The following MORN1 variants were observed in gnomAD, a reference collection of about 807,000 sequenced individuals.
MORN1 encodes MORN repeat containing 1, also known as MORN repeat-containing protein 1.
In MORN1, 67 loss-of-function variants were observed where a neutral mutation model predicts 61.9. The observed-to-expected ratio is 1.08, with a 90% CI of 0.89 to 1.33. MORN1 has a LOEUF of 1.33. Among genes scored for constraint, MORN1 ranks in the 40% most tolerant of loss-of-function variants. The pLI is 0.00. For synonymous variants in MORN1, 301 were observed against 292.0 expected (o/e 1.03, Z -0.31); for missense variants, 752 against 691.2 (o/e 1.09, Z -0.99).
intron 10 of MORN1, chr1:2,355,541 G>C (rs1641745167): frequency 1.3e-6 from 2 of 1,509,016 alleles, no homozygotes; most frequent in African/African-American, 1.4e-5. Context: ...TGGGGGCAGG[G>C]GCACGGGCAT....
At chr1:2,343,907 C>T (rs1454015576) in intron 10 of MORN1, among the ~76,000 whole-genome samples, 5 of 146,954 alleles carry the variant, frequency 3.4e-5, no homozygotes, top group East Asian at 2.1e-4. Flanking sequence ...CCCATGTCTG[C>T]TGGGCGGGAT....
At chr1:2,323,329 A>AGT (rs2100214706) in intron 13 of MORN1, 1 of 985,454 alleles carries the variant, frequency 1.0e-6, no homozygotes, top group East Asian at 1.1e-4. Context: ...GGTGGCATCC[A>AGT]GACCCCAGTG....
At chr1:2,358,533 T>G (rs1249603520) in intron 9 of MORN1, 59 bp downstream of exon 9, 1 of 1,607,924 alleles carries the variant, frequency 6.2e-7, no homozygotes, top group Non-Finnish European at 8.5e-7. Context: ...GGAATTAATG[T>G]GACCTAAATG....
chr1:2,366,022 G>A (rs1258410368), intron 8 of MORN1, among the ~76,000 whole-genome samples: 11 of 146,626 alleles, frequency 7.5e-5, no homozygotes, highest in South Asian at 4.6e-4. Flanking sequence ...AAAGACACAT[G>A]CACACGTATG....
intron 8 of MORN1, among the ~76,000 whole-genome samples, chr1:2,368,513 A>G (rs1642043005): frequency 6.6e-6 from 1 of 152,214 alleles, no homozygotes; most frequent in African/African-American, 2.4e-5. Context: ...GTAAACTGGC[A>G]TGATGCGTTG....
intron 12 of MORN1, among the ~76,000 whole-genome samples, chr1:2,328,660 G>C (rs1641085333): frequency 6.6e-6 from 1 of 152,206 alleles, no homozygotes; most frequent in African/African-American, 2.4e-5. Context: ...CGCAGATCTG[G>C]GGCCAGCTTG....
intron 13 of MORN1, among the ~76,000 whole-genome samples, chr1:2,321,829 C>T (rs974548043): frequency 6.6e-6 from 1 of 152,294 alleles, no homozygotes; most frequent in East Asian, 1.9e-4. Context: ...CCTCTGACCT[C>T]AGGCCACAGC....
chr1:2,347,826 G>A lies in MORN1; in HGVS notation c.1036+9606C>T, dbSNP rs903612877. Among the ~76,000 whole-genome samples, 6 of 152,142 alleles carry A rather than the reference G, an allele frequency of 3.9e-5. No individual in the cohort carries two copies. In the East Asian group the frequency reaches 1.2e-3, roughly 29 times the overall value. ...GGTGCACAGGTATTTTACATTTTGG[G>A]GTAAATGTTTAATCAAACATTTACA... On this transcript the variant is annotated intron_variant, in intron 10 of 13. Transcript: ENST00000378531.
rs574738957 is a variant in MORN1, at chr1:2,343,209, G to A, written c.1037-6359C>T. Among the ~76,000 whole-genome samples the A allele has an allele frequency of 3.9e-5, 6 of 152,300 alleles. No homozygotes were observed. In the South Asian group the frequency reaches 1.2e-3, roughly 32 times the overall value. ...AGCATGATGCTGACGTTTCTCCACT[G>A]CTGCCTTCAGACCTGCCTCTGGGAC... On this transcript the variant is annotated intron_variant, in intron 10 of 13. Transcript: ENST00000378531.
At chr1:2,325,649 T>C (rs901531859) in intron 12 of MORN1, among the ~76,000 whole-genome samples, 23 of 150,170 alleles carry the variant, frequency 1.5e-4, no homozygotes, top group South Asian at 4.2e-4. Context: ...TTGATTTTTT[T>C]TTTTTTTTTT....
At chr1:2,323,762 ACAGCTCCCCT>A (rs1260368082) in intron 13 of MORN1, 6 of 985,060 alleles carry the variant, frequency 6.1e-6, no homozygotes, top group Admixed American at 1.2e-4. Context: ...GTGGGCCTTG[ACAGCTCCCCT>A]CGGCTCCCCT....
intron 8 of MORN1, among the ~76,000 whole-genome samples, chr1:2,368,804 A>G (rs1642047922): frequency 6.6e-6 from 1 of 152,190 alleles, no homozygotes; most frequent in Admixed American, 6.5e-5. Flanking sequence ...CATGCTTGTA[A>G]TCCCAGCACT....
chr1:2,385,866 T>C lies in MORN1; in HGVS notation c.390A>G (p.Gln130=). The C allele has an allele frequency of 1.2e-6, 2 of 1,613,954 alleles. No homozygotes were observed. Among genetic ancestry groups the C allele is most frequent in the Middle Eastern group, 1.7e-4 (1 of 6,060 alleles). ...TGTCATGGAAGGAGCCCTGGTACAC[T>C]TGTCCATCCCGGTCCACCAGAAACC... The part of the protein sequence containing the change: ...GHGFLVDRDG[Q]VYQGSFHDNK... The change falls in exon 5 of 14, where the codon CAA becomes CAG. Residue 130 remains glutamine (Q), a synonymous_variant. Transcript: ENST00000378531.
chr1:2,380,568 G>A (rs1169556353), intron 6 of MORN1, among the ~76,000 whole-genome samples: 1 of 152,142 alleles, frequency 6.6e-6, no homozygotes, highest in Non-Finnish European at 1.5e-5. Context: ...TTTTGAGACA[G>A]GGTCTTGCTC....
chr1:2,342,881 ATTTTATTTTAT>A (rs1641431905), intron 10 of MORN1, among the ~76,000 whole-genome samples: 188 of 97,580 alleles, frequency 1.9e-3, no homozygotes, highest in African/African-American at 6.6e-3. Context: ...ATTTTATTTT[ATTTTATTTTAT>A]TTTATTTTAT....
intron 8 of MORN1, among the ~76,000 whole-genome samples, chr1:2,364,177 T>C (rs1569999323): frequency 6.6e-6 from 1 of 152,272 alleles, no homozygotes; most frequent in South Asian, 2.1e-4. Flanking sequence ...AAAGTAGATG[T>C]AAGAGTAAGG....
At chr1:2,324,561 G>C (rs867347177) in intron 12 of MORN1, among the ~76,000 whole-genome samples, 1 of 152,200 alleles carries the variant, frequency 6.6e-6, no homozygotes, top group Non-Finnish European at 1.5e-5. Flanking sequence ...AGGAGCGGCG[G>C]AAGTCTCAGC....
chr1:2,373,803 C>T (rs1484199767), intron 7 of MORN1, among the ~76,000 whole-genome samples: 2 of 152,196 alleles, frequency 1.3e-5, no homozygotes, highest in East Asian at 1.9e-4. Context: ...GTTACTGTCA[C>T]CCGTCACCCC....
intron 1 of MORN1, among the ~76,000 whole-genome samples, chr1:2,391,197 C>T (rs1177845879): frequency 6.6e-6 from 1 of 152,138 alleles, no homozygotes; most frequent in East Asian, 1.9e-4. Flanking sequence ...CCGGTCTTCC[C>T]GGCTAGGAGC....
Sources: allele counts gnomAD v4.1 joint callset (sites outside exome capture counted in the v4.1 genomes callset), GRCh38; gene constraint gnomAD v4.1.1; transcripts MANE v1.5; gene names NCBI Gene and HGNC (gene_info 2026-07-23, HGNC 2026-07-21).